Variants in RBFOX1 observed in about 807,000 individuals in gnomAD.
The protein encoded by RBFOX1 is RNA binding fox-1 homolog 1.
RBFOX1 carries 8 observed loss-of-function variants against 57.7 expected under a neutral mutation model. That is an observed-to-expected ratio of 0.14 (90% confidence interval 0.08 to 0.25). The LOEUF is 0.25. RBFOX1 is among the 10% of genes least tolerant of loss of function. The probability of loss-of-function intolerance (pLI) is 1.00; values close to 1 mark genes in which losing one functional copy is unlikely to be tolerated. For synonymous variants in RBFOX1, 326 were observed against 222.4 expected, an observed-to-expected ratio of 1.47 and a Z score of -4.15; for missense variants, 611 against 548.5, an observed-to-expected ratio of 1.11 and a Z score of -1.14.
intron 3 of RBFOX1, among the ~76,000 whole-genome samples, chr16:6,921,748 T>C (rs1025114140): frequency 6.6e-6 from 1 of 151,350 alleles, no homozygotes; most frequent in African/African-American, 2.4e-5. Flanking sequence ...AGCATATGTA[T>C]GTGTGTGTGT....
At chr16:7,308,310 T>C (rs1237821995) in intron 4 of RBFOX1, among the ~76,000 whole-genome samples, 1 of 151,022 alleles carries the variant, frequency 6.6e-6, no homozygotes, top group African/African-American at 2.4e-5. Context: ...TTTTTTTTTT[T>C]CCACTGAGTT....
At chr16:6,965,629 G>C (rs140859277) in intron 3 of RBFOX1, among the ~76,000 whole-genome samples, 2 of 152,162 alleles carry the variant, frequency 1.3e-5, no homozygotes, top group African/African-American at 2.4e-5. Flanking sequence ...GAGCCACTGC[G>C]CCTGGCTGAC....
At chr16:7,034,636 A>G (rs2043754196) in intron 3 of RBFOX1, among the ~76,000 whole-genome samples, 1 of 151,810 alleles carries the variant, frequency 6.6e-6, no homozygotes, top group African/African-American at 2.4e-5. Flanking sequence ...CATTGAAGAC[A>G]CATCAGTGAG....
intron 2 of RBFOX1, among the ~76,000 whole-genome samples, chr16:6,432,698 G>A (rs2153008451): frequency 6.6e-6 from 1 of 151,866 alleles, no homozygotes; most frequent in East Asian, 2.0e-4. Context: ...AATAATAATA[G>A]GCTGGGTGCA....
intron 1 of RBFOX1, among the ~76,000 whole-genome samples, chr16:5,432,237 A>T (rs947439364): frequency 2.6e-5 from 4 of 152,182 alleles, no homozygotes; most frequent in Admixed American, 1.3e-4. Flanking sequence ...GACAGAATCA[A>T]ATCGGCCTGT....
At chr16:6,310,864 G>C (rs1216425919) in intron 1 of RBFOX1, among the ~76,000 whole-genome samples, 1 of 149,008 alleles carries the variant, frequency 6.7e-6, no homozygotes, top group Non-Finnish European at 1.5e-5. Context: ...AGGACTCCCT[G>C]AAGCTATGAA....
chr16:6,794,045 C>G (rs970610605), intron 3 of RBFOX1, among the ~76,000 whole-genome samples: 1 of 152,082 alleles, frequency 6.6e-6, no homozygotes, highest in Non-Finnish European at 1.5e-5. Context: ...GAATTTCTAT[C>G]AAACAGGAGT....
chr16:7,010,414 C>T (rs1002261849), intron 3 of RBFOX1, among the ~76,000 whole-genome samples: 1 of 152,144 alleles, frequency 6.6e-6, no homozygotes, highest in South Asian at 2.1e-4. Flanking sequence ...TTATTATATG[C>T]ATTGGCCAGT....
At chr16:6,858,141 G>A (rs558618287) in intron 3 of RBFOX1, among the ~76,000 whole-genome samples, 8 of 152,246 alleles carry the variant, frequency 5.3e-5, no homozygotes, top group Admixed American at 1.3e-4. Context: ...AGTTATTAAC[G>A]TGACTGTAAT....
chr16:5,834,630 A>G (rs2056393275), intron 3 of RBFOX1, among the ~76,000 whole-genome samples: 1 of 152,052 alleles, frequency 6.6e-6, no homozygotes, highest in South Asian at 2.1e-4. Flanking sequence ...AGATTGACTG[A>G]TTTGTTTTCT....
At position 5,441,764 on chromosome 16, in the gene RBFOX1, T is replaced by C. The variant is rs115021167; in HGVS notation, c.220-25452T>C. Among the ~76,000 whole-genome samples the C allele has an allele frequency of 8.0e-3, 1,217 of 152,242 alleles. 21 individuals are homozygous for C. The highest frequency in any genetic ancestry group is 0.027 in the African/African-American group (1,133 of 41,530). ...GGCAGAAAACATGTCCTTCTTCACA[T>C]GGCAGCAGGGAGAAGAAGAATGAGT... On this transcript the variant is annotated intron_variant, in intron 1 of 2. Transcript: ENST00000585867.
intron 1 of RBFOX1, among the ~76,000 whole-genome samples, chr16:6,102,177 C>CAAAA (rs371780023): frequency 3.4e-4 from 39 of 114,030 alleles, no homozygotes; most frequent in Middle Eastern, 4.8e-3. Context: ...CTCTTTCAGC[C>CAAAA]AAAAAAAAAA....
chr16:6,155,921 T>G (rs1013485977), intron 1 of RBFOX1, among the ~76,000 whole-genome samples: 12 of 152,308 alleles, frequency 7.9e-5, no homozygotes, highest in Admixed American at 6.5e-4. Flanking sequence ...TTGAAATGCC[T>G]TCTTTGCCAG....
intron 4 of RBFOX1, among the ~76,000 whole-genome samples, chr16:7,134,835 G>C (rs1262631642): frequency 6.6e-6 from 1 of 152,028 alleles, no homozygotes; most frequent in East Asian, 1.9e-4. Context: ...GTTTGTGATG[G>C]TTACAGTTTT....
intron 4 of RBFOX1, among the ~76,000 whole-genome samples, chr16:7,253,057 A>C (rs1166296862): frequency 6.6e-6 from 1 of 152,072 alleles, no homozygotes; most frequent in East Asian, 1.9e-4. Flanking sequence ...CATCTTTTTC[A>C]TTTACGCTCT....
Position 6,843,544 on chromosome 16 carries a change from C to A in RBFOX1, c.-16+188894C>A, listed in dbSNP as rs1720493134. 2.6e-5 allele frequency among the ~76,000 whole-genome samples: 4 copies of A among 151,972 alleles called. No homozygotes were observed. In the South Asian group the frequency reaches 8.3e-4, roughly 32 times the overall value. ...TGTACTAAAAATAAAAAAAAATTAT[C>A]TAGGCATGGTGGCGGGCACCTGTAG... On this transcript the variant is annotated intron_variant, in intron 3 of 15. Transcript: ENST00000550418.
rs552497500 is a variant in RBFOX1 at position 6,114,636 on chromosome 16, GACAA to G, written c.-127+94649_-127+94652del. ...AGTCTTTCTGATACTGTTTTTATGA[GACAA>G]ACAATGATATGCTTGCCTTGTCTGT... On this transcript the variant is annotated intron_variant, in intron 1 of 15. Coordinates refer to ENST00000550418, the MANE Select transcript of RBFOX1 (RefSeq NM_018723.4). Among the ~76,000 whole-genome samples, 159 of 152,222 alleles carry G rather than the reference GACAA, an allele frequency of 1.0e-3. 3 individuals carry two copies. The South Asian group carries it at 0.032, about 31-fold the overall frequency.
intron 2 of RBFOX1, among the ~76,000 whole-genome samples, chr16:6,618,486 G>A (rs2098176048): frequency 6.6e-6 from 1 of 152,178 alleles, no homozygotes; most frequent in African/African-American, 2.4e-5. Context: ...ACTTCCTGAT[G>A]TTCATTATAC....
chr16:6,437,580 C>T (rs1202763345), intron 2 of RBFOX1, among the ~76,000 whole-genome samples: 1 of 152,126 alleles, frequency 6.6e-6, no homozygotes, highest in Non-Finnish European at 1.5e-5. Flanking sequence ...TAGTCCATTG[C>T]TACACTGCTA....
Sources: gnomAD v4.1 joint callset for allele counts (sites outside exome capture counted in the v4.1 genomes callset) on GRCh38, gnomAD v4.1.1 for gene constraint, MANE v1.5 for transcripts, NCBI Gene and HGNC (gene_info 2026-07-23, HGNC 2026-07-21) for gene names.